Variants in ASXL2 observed in about 807,000 individuals in gnomAD.
ASXL2 encodes the protein ASXL transcriptional regulator 2.
ASXL2 carries 23 observed loss-of-function variants against 122.0 expected under a neutral mutation model. The ratio of observed to expected loss-of-function variants is 0.19; its 90% CI spans 0.14 to 0.27. The LOEUF (loss-of-function observed/expected upper bound fraction) is 0.27, where lower values mean the gene tolerates loss of function less well. ASXL2 is among the 10% of genes least tolerant of loss of function. The pLI is 1.00. For missense variants in ASXL2, 1,518 were observed against 1,713.8 expected (o/e 0.89, Z 2.02); for synonymous variants, 650 against 637.0 (o/e 1.02, Z -0.31).
intron 1 of ASXL2, among the ~76,000 whole-genome samples, chr2:25,866,238 C>T (rs533654319): frequency 5.3e-5 from 8 of 151,234 alleles, no homozygotes; most frequent in Non-Finnish European, 1.0e-4. Context: ...TCAAGCGATT[C>T]TCCTGCCTCA....
chr2:25,775,705 T>G (rs923551983), intron 5 of ASXL2, among the ~76,000 whole-genome samples: 1 of 152,194 alleles, frequency 6.6e-6, no homozygotes, highest in African/African-American at 2.4e-5. Flanking sequence ...GAACTAACTA[T>G]GAGTCAACTA....
chr2:25,746,861 G>A lies in ASXL2; in HGVS notation c.1861-2385C>T, dbSNP rs775473357. Reference sequence around the variant, plus strand: ...TTAATTTACTGAGAAGCCCTACCCCGGGAGAGCAGAGAGATTCAATCCTTT... The same window carrying A: ...TTAATTTACTGAGAAGCCCTACCCCAGGAGAGCAGAGAGATTCAATCCTTT... On this transcript the variant is annotated intron_variant, in intron 12 of 12. Coordinates refer to ENST00000435504, the MANE Select transcript of ASXL2 (RefSeq NM_018263.6). 3.3e-5 allele frequency among the ~76,000 whole-genome samples: 5 copies of A among 152,286 alleles called. No homozygotes were observed. In the East Asian group the frequency reaches 9.6e-4, roughly 29 times the overall value.
chr2:25,874,679 A>G (rs1193264891), intron 1 of ASXL2, among the ~76,000 whole-genome samples: 1 of 152,186 alleles, frequency 6.6e-6, no homozygotes, highest in Non-Finnish European at 1.5e-5. Context: ...AATGGCTCTC[A>G]ATATCCCCGG....
chr2:25,875,346 T>A (rs1036475738), intron 1 of ASXL2, among the ~76,000 whole-genome samples: 1 of 152,130 alleles, frequency 6.6e-6, no homozygotes, highest in Non-Finnish European at 1.5e-5. Flanking sequence ...CACATGCCTA[T>A]AGTCCCAGCT....
rs1271945263 is a variant in ASXL2, at chr2:25,744,315, A to G, written c.2022T>C (p.Ala674=). The change falls in exon 13 of 13, where the codon GCT becomes GCC. Residue 674 remains alanine, a synonymous_variant. Coordinates refer to ENST00000435504, the MANE Select transcript of ASXL2 (RefSeq NM_018263.6). The surrounding 1 kb of genome is among the most constrained non-coding windows in gnomAD (Gnocchi z 4.7). ...AQLVKAQRAA[A]AAAAAAAAAA... ...CTGCAGCAGCTGCGGCGGCAGCGGC[A>G]GCTGCTGCCCTCTGTGCTTTGACCA... is the stretch of plus-strand genomic sequence containing the variant. 6.2e-6 allele frequency: 10 copies of G among 1,612,226 alleles called. No homozygotes were observed. Among genetic ancestry groups the G allele is most frequent in the Non-Finnish European group, 8.5e-6 (10 of 1,179,458 alleles).
At chr2:25,751,292 A>G (rs1183894108) in intron 11 of ASXL2, among the ~76,000 whole-genome samples, 3 of 152,188 alleles carry the variant, frequency 2.0e-5, no homozygotes, top group Admixed American at 6.5e-5. Context: ...GACAAAAAGT[A>G]ATAGTTGAAA....
chr2:25,807,256 T>A lies in ASXL2; in HGVS notation c.144-919A>T, dbSNP rs527310580. 3.3e-5 allele frequency among the ~76,000 whole-genome samples: 5 copies of A among 152,312 alleles called. No homozygotes were observed. In the South Asian group the frequency reaches 1.0e-3, roughly 32 times the overall value. ...CTTTTCCCTCTCAGTTTTCTGTTGA[T>A]GCTACTCAATAACCAAAAATAAGCC... On this transcript the variant is annotated intron_variant, in intron 3 of 12. Coordinates refer to ENST00000435504, the MANE Select transcript of ASXL2 (RefSeq NM_018263.6).
At chr2:25,831,102 T>C (rs548718534) in intron 3 of ASXL2, among the ~76,000 whole-genome samples, 31 of 152,132 alleles carry the variant, frequency 2.0e-4, no homozygotes, top group African/African-American at 7.5e-4. Flanking sequence ...GGTGAATCAC[T>C]TGAGGTCAGG....
rs2087908870 is a variant in ASXL2, at chr2:25,744,599, G to GTACCTGTGACAAACA, written c.1861-124_1861-123insTGTTTGTCACAGGTA. The GTACCTGTGACAAACA allele has an allele frequency of 1.5e-5, 17 of 1,159,746 alleles. No homozygotes were observed. The highest frequency in any genetic ancestry group is 2.0e-5 in the Non-Finnish European group (17 of 847,858). The allele number at this position is 1,159,746 out of a possible 1,614,324, so 71.8% of individuals were successfully genotyped here. A position where few individuals can be genotyped will look rare whatever the true frequency, so the allele number is the denominator to read the frequency against. On this transcript the variant is annotated intron_variant, in intron 12 of 12. Transcript: ENST00000435504. This position sits in a 1 kb window ranked among gnomAD's most constrained non-coding sequence, Gnocchi z 4.7. Reference sequence around the variant, plus strand: ...ACTACAGTACCTGTGACAAACATGGGTGGTCTATGGCCGAGAGGCCAAACC... The same window carrying GTACCTGTGACAAACA: ...ACTACAGTACCTGTGACAAACATGGGTACCTGTGACAAACATGGTCTATGGCCGAGAGGCCAAACC...
At chr2:25,822,186 TTACTC>T (rs1187264133) in intron 3 of ASXL2, among the ~76,000 whole-genome samples, 1 of 152,184 alleles carries the variant, frequency 6.6e-6, no homozygotes, top group Non-Finnish European at 1.5e-5. Context: ...AAGTAACTCT[TTACTC>T]TGCAAGGTTT....
intron 5 of ASXL2, among the ~76,000 whole-genome samples, chr2:25,779,084 A>ATTTTTTT (rs33911748): frequency 1.7e-4 from 17 of 99,406 alleles, no homozygotes; most frequent in South Asian, 3.5e-4. Flanking sequence ...CTTTTTTCTG[A>ATTTTTTT]TTTTTTTTTT....
At chr2:25,775,459 T>C (rs1348329316) in intron 5 of ASXL2, among the ~76,000 whole-genome samples, 1 of 152,112 alleles carries the variant, frequency 6.6e-6, no homozygotes, top group Non-Finnish European at 1.5e-5. Context: ...AATCCCCACG[T>C]GTCAGCGGAG....
chr2:25,840,127 T>C (rs932549962), intron 2 of ASXL2, among the ~76,000 whole-genome samples: 36 of 152,156 alleles, frequency 2.4e-4, no homozygotes, highest in Non-Finnish European at 5.0e-4. Flanking sequence ...TTAAGGACCT[T>C]TTTCTTATTT....
At chr2:25,843,832 A>AAAAAAG (rs397956461) in intron 2 of ASXL2, among the ~76,000 whole-genome samples, 1 of 137,068 alleles carries the variant, frequency 7.3e-6, no homozygotes. Flanking sequence ...AAAAAAAAAA[A>AAAAAAG]GAAAGAAAGA....
chr2:25,813,315 T>C (rs867461497), intron 3 of ASXL2, among the ~76,000 whole-genome samples: 5 of 152,202 alleles, frequency 3.3e-5, no homozygotes, highest in African/African-American at 1.2e-4. Context: ...TTAGGCCAAA[T>C]GTTTCAGACA....
Position 25,799,619 on chromosome 2 carries a change from C to A in ASXL2, c.253-84G>T, listed in dbSNP as rs1003113564. The A allele has an allele frequency of 2.3e-5, 34 of 1,460,472 alleles. No individual in the cohort carries two copies. The African/African-American group carries it at 4.1e-4, about 18-fold the overall frequency. 90.5% of individuals were successfully genotyped at this position (1,460,472 alleles called of 1,614,324 possible). A position where few individuals can be genotyped will look rare whatever the true frequency, so the allele number is the denominator to read the frequency against. ...AAACTTCTGATATGCAATGTTGCAA[C>A]TTAATTGCACTAATTTTTGTTACTA... On this transcript the variant is annotated intron_variant, in intron 4 of 12. Transcript: ENST00000435504.
intron 5 of ASXL2, among the ~76,000 whole-genome samples, chr2:25,772,170 G>A (rs375226328): frequency 2.0e-3 from 310 of 152,148 alleles, no homozygotes; most frequent in African/African-American, 7.0e-3. Flanking sequence ...GCGAACAAGG[G>A]TTCTTTAAGA....
chr2:25,755,828 C>T (rs1179044902), intron 10 of ASXL2, among the ~76,000 whole-genome samples, 190 bp downstream of exon 10: 1 of 152,198 alleles, frequency 6.6e-6, no homozygotes, highest in African/African-American at 2.4e-5. Flanking sequence ...TGCTAGATTC[C>T]ATGTGGTGTT....
intron 2 of ASXL2, among the ~76,000 whole-genome samples, chr2:25,843,887 A>G (rs945879198): frequency 1.3e-5 from 2 of 152,124 alleles, no homozygotes; most frequent in Admixed American, 6.6e-5. Context: ...TGCAATGGCT[A>G]TTCATCAAGA....
Sources: allele counts gnomAD v4.1 joint callset (sites outside exome capture counted in the v4.1 genomes callset), GRCh38; gene constraint gnomAD v4.1.1; non-coding constraint Gnocchi (gnomAD v3.1); transcripts MANE v1.5; gene names NCBI Gene and HGNC (gene_info 2026-07-23, HGNC 2026-07-21).